Variants in NIBAN1 observed in about 807,000 individuals in gnomAD.
The protein encoded by NIBAN1 is niban apoptosis regulator 1.
NIBAN1 carries 81 observed loss-of-function variants against 75.1 expected under a neutral mutation model. The ratio of observed to expected loss-of-function variants is 1.08; its 90% CI spans 0.90 to 1.30. The LOEUF is 1.30. Among genes scored for constraint, NIBAN1 ranks in the 50% most tolerant of loss-of-function variants. The pLI, the probability that NIBAN1 is intolerant of heterozygous loss-of-function variation, is 0.00. For missense variants in NIBAN1, 1,133 were observed against 1,128.1 expected (o/e 1.00, Z -0.06); for synonymous variants, 436 against 424.8 (o/e 1.03, Z -0.32).
intron 2 of NIBAN1, among the ~76,000 whole-genome samples, chr1:184,895,980 G>T (rs1656789733): frequency 6.6e-6 from 1 of 152,088 alleles, no homozygotes; most frequent in Non-Finnish European, 1.5e-5. Context: ...CACTTAGGTT[G>T]GTTCCATGGC....
intron 8 of NIBAN1, among the ~76,000 whole-genome samples, chr1:184,820,804 A>G (rs980295305): frequency 1.3e-5 from 2 of 152,222 alleles, no homozygotes; most frequent in African/African-American, 4.8e-5. Context: ...CAGTATTATC[A>G]TCTGTAAAAT....
In NIBAN1 at chr1:184,919,122, C is replaced by A. The variant is rs61823955; in HGVS notation, c.56-19813G>T. ...AGACTACAAATAAATTTTAAGTTGTCAGAAAGACTCATCCTAAAGTAATAT... is the reference window on the plus strand; with the variant it reads ...AGACTACAAATAAATTTTAAGTTGTAAGAAAGACTCATCCTAAAGTAATAT... On this transcript the variant is annotated intron_variant, in intron 1 of 13. Transcript: ENST00000367511. 4.4e-3 allele frequency among the ~76,000 whole-genome samples: 677 copies of A among 152,270 alleles called. 2 individuals are homozygous for A. Among genetic ancestry groups the A allele is most frequent in the Middle Eastern group, 0.01 (3 of 294 alleles).
intron 1 of NIBAN1, among the ~76,000 whole-genome samples, chr1:184,952,370 C>T (rs555526010): frequency 1.3e-5 from 2 of 152,266 alleles, no homozygotes; most frequent in South Asian, 4.1e-4. Context: ...CACTACACTC[C>T]AGCCTGGGCG....
chr1:184,832,156 G>A (rs1024139748), intron 5 of NIBAN1, among the ~76,000 whole-genome samples, 194 bp from the exon 6 acceptor site: 4 of 152,114 alleles, frequency 2.6e-5, no homozygotes, highest in South Asian at 4.1e-4. Flanking sequence ...CTTGTTCATC[G>A]TCCTAGCTGA....
At position 184,893,954 on chromosome 1, in the gene NIBAN1, TG is replaced by T. The variant is rs1468075223; in HGVS notation, c.318+120del. The T allele has an allele frequency of 9.2e-6, 9 of 981,098 alleles. No individual in the cohort carries two copies. In the East Asian group the frequency reaches 2.1e-4, roughly 23 times the overall value. The allele number at this position is 981,098 out of a possible 1,614,324, so 60.8% of individuals were successfully genotyped here. On this transcript the variant is annotated intron_variant, in intron 3 of 13. Transcript: ENST00000367511. Reference sequence around the variant, plus strand: ...TATTGAATGAATCAGTCTCTATTTTTGTACCAGTACCATGCTGATTTTGTTA... The same window carrying T: ...TATTGAATGAATCAGTCTCTATTTTTTACCAGTACCATGCTGATTTTGTTA...
At chr1:184,810,997 G>C (rs4011650) in intron 9 of NIBAN1, among the ~76,000 whole-genome samples, 94,658 of 151,960 alleles carry the variant, frequency 0.62, 31,199 homozygotes, top group Middle Eastern at 0.76. Context: ...GCTCCCTCTC[G>C]GAATTTGAAG....
At chr1:184,836,446 A>G (rs1655148330) in intron 5 of NIBAN1, among the ~76,000 whole-genome samples, 1 of 152,238 alleles carries the variant, frequency 6.6e-6, no homozygotes, top group Non-Finnish European at 1.5e-5. Flanking sequence ...GACCTCAGTA[A>G]CTGCAGGAGA....
intron 5 of NIBAN1, among the ~76,000 whole-genome samples, chr1:184,877,700 T>C (rs1656268301): frequency 6.6e-6 from 1 of 152,174 alleles, no homozygotes; most frequent in South Asian, 2.1e-4. Context: ...TAATGTTGAT[T>C]ATCTAACCAC....
chr1:184,888,447 A>G (rs927182321), intron 4 of NIBAN1, among the ~76,000 whole-genome samples: 1 of 152,314 alleles, frequency 6.6e-6, no homozygotes, highest in South Asian at 2.1e-4. Context: ...CAAACCCATA[A>G]AATTCATTCC....
At chr1:184,953,561 T>C (rs1465709612) in intron 1 of NIBAN1, among the ~76,000 whole-genome samples, 1 of 152,236 alleles carries the variant, frequency 6.6e-6, no homozygotes, top group Non-Finnish European at 1.5e-5. Context: ...CCTGGAGAAA[T>C]GCTGAGTTTG....
intron 4 of NIBAN1, among the ~76,000 whole-genome samples, chr1:184,886,220 C>T (rs531227039): frequency 2.4e-4 from 36 of 152,292 alleles, no homozygotes; most frequent in African/African-American, 8.7e-4. Flanking sequence ...GTGCTTCCTA[C>T]CCTGTTCTCC....
At chr1:184,946,654 G>T (rs184049594) in intron 1 of NIBAN1, among the ~76,000 whole-genome samples, 1 of 152,268 alleles carries the variant, frequency 6.6e-6, no homozygotes, top group Non-Finnish European at 1.5e-5. Context: ...ATTTATTGGA[G>T]AAATAATAGA....
chr1:184,963,588 A>G (rs1254439383), intron 1 of NIBAN1, among the ~76,000 whole-genome samples: 2 of 152,222 alleles, frequency 1.3e-5, no homozygotes, highest in African/African-American at 4.8e-5. Flanking sequence ...CAACATGCAA[A>G]AACAAAATAG....
chr1:184,954,004 T>C (rs543460374), intron 1 of NIBAN1, among the ~76,000 whole-genome samples: 20 of 152,364 alleles, frequency 1.3e-4, no homozygotes, highest in South Asian at 1.0e-3. Flanking sequence ...AGCACTTCAT[T>C]ACTCAAAATT....
intron 5 of NIBAN1, among the ~76,000 whole-genome samples, chr1:184,857,871 C>T (rs1337988548): frequency 6.6e-6 from 1 of 151,362 alleles, no homozygotes; most frequent in Non-Finnish European, 1.5e-5. Flanking sequence ...AATGTTAGAC[C>T]ACTCATATAC....
At chr1:184,816,863 T>TATC (rs1654552022) in intron 9 of NIBAN1, among the ~76,000 whole-genome samples, 1 of 150,730 alleles carries the variant, frequency 6.6e-6, no homozygotes, top group African/African-American at 2.4e-5. Context: ...AGGGGGGAAT[T>TATC]ATTATTATTA....
At chr1:184,814,905 C>T (rs1330513227) in intron 9 of NIBAN1, among the ~76,000 whole-genome samples, 1 of 152,194 alleles carries the variant, frequency 6.6e-6, no homozygotes, top group Non-Finnish European at 1.5e-5. Flanking sequence ...ACTAGGACAG[C>T]CACCTTGTCC....
At chr1:184,896,096 C>T (rs960678646) in intron 2 of NIBAN1, among the ~76,000 whole-genome samples, 13 of 152,100 alleles carry the variant, frequency 8.5e-5, no homozygotes, top group East Asian at 3.8e-4. Context: ...ATTGCTGAGT[C>T]GAATGATAGT....
chr1:184,795,808 A>C lies in NIBAN1; in HGVS notation c.1956T>G (p.Thr652=). ...LPGPSPPPDG[T]EQVIISRVDD... ...CCACTCTTGAAATAATCACCTGCTC[A>C]GTCCCATCTGGGGGTGGGCTTGGCC... The change falls in exon 14 of 14, where the codon ACT becomes ACG. Residue 652 remains threonine, a synonymous_variant. Coordinates refer to ENST00000367511, the MANE Select transcript of NIBAN1 (RefSeq NM_052966.4). 3 of 1,610,442 alleles carry C rather than the reference A, an allele frequency of 1.9e-6. No homozygotes were observed. Among genetic ancestry groups the C allele is most frequent in the Non-Finnish European group, 1.7e-6 (2 of 1,177,848 alleles).
Sources: allele counts gnomAD v4.1 joint callset (sites outside exome capture counted in the v4.1 genomes callset), GRCh38; gene constraint gnomAD v4.1.1; transcripts MANE v1.5; gene names NCBI Gene and HGNC (gene_info 2026-07-23, HGNC 2026-07-21).